Variants in UNC5D observed in about 807,000 individuals in gnomAD.
UNC5D encodes netrin receptor UNC5D.
In UNC5D, 39 loss-of-function variants were observed where a neutral mutation model predicts 105.4. The observed-to-expected ratio is 0.37, with a 90% CI of 0.29 to 0.48. UNC5D has a LOEUF of 0.48. Ranked by LOEUF, UNC5D falls within the 20% of genes least tolerant of loss-of-function variation. The pLI, the probability that UNC5D is intolerant of heterozygous loss-of-function variation, is 0.98. For missense variants in UNC5D, 991 were observed against 1,202.4 expected (o/e 0.82, Z 2.60); for synonymous variants, 452 against 450.4 (o/e 1.00, Z -0.04).
intron 4 of UNC5D, among the ~76,000 whole-genome samples, chr8:35,623,128 G>C (rs1821460329): frequency 6.6e-6 from 1 of 152,048 alleles, no homozygotes; most frequent in South Asian, 2.1e-4. Context: ...AATTATCACT[G>C]CCTCTCTGTC....
intron 1 of UNC5D, among the ~76,000 whole-genome samples, chr8:35,430,763 C>T (rs962812099): frequency 1.3e-5 from 2 of 152,134 alleles, no homozygotes; most frequent in African/African-American, 4.8e-5. Flanking sequence ...AGAGGAAAAA[C>T]ATTTTTGCTA....
chr8:35,692,747 C>T (rs543865053), intron 7 of UNC5D, among the ~76,000 whole-genome samples: 135 of 152,178 alleles, frequency 8.9e-4, no homozygotes, highest in Non-Finnish European at 1.6e-3. Flanking sequence ...AGTTAACATA[C>T]CAGCACAATA....
intron 1 of UNC5D, among the ~76,000 whole-genome samples, chr8:35,273,292 G>T (rs1036259988): frequency 1.3e-5 from 2 of 152,196 alleles, no homozygotes; most frequent in Non-Finnish European, 2.9e-5. Context: ...ATAAGAGTTT[G>T]GTAATGCATG....
At chr8:35,585,074 A>G (rs1259445427) in intron 3 of UNC5D, among the ~76,000 whole-genome samples, 5 of 152,162 alleles carry the variant, frequency 3.3e-5, no homozygotes, top group Admixed American at 3.3e-4. Context: ...ATATGTCCCT[A>G]CTGCAGGCAC....
intron 8 of UNC5D, among the ~76,000 whole-genome samples, chr8:35,707,807 G>C (rs1334367296): frequency 6.6e-6 from 1 of 152,116 alleles, no homozygotes; most frequent in Non-Finnish European, 1.5e-5. Flanking sequence ...AGTCCTTAGG[G>C]ACTTCAGAAT....
intron 1 of UNC5D, among the ~76,000 whole-genome samples, chr8:35,354,250 T>A (rs922201902): frequency 4.6e-5 from 7 of 152,026 alleles, no homozygotes; most frequent in Non-Finnish European, 1.0e-4. Context: ...TATGCCATGT[T>A]TATTCTCTTT....
intron 1 of UNC5D, among the ~76,000 whole-genome samples, chr8:35,456,504 A>T (rs1210976150): frequency 6.6e-6 from 1 of 152,168 alleles, no homozygotes; most frequent in Non-Finnish European, 1.5e-5. Context: ...TTTAGCATTC[A>T]TTTGCAGATT....
chr8:35,674,330 T>C (rs1825044105), intron 4 of UNC5D, among the ~76,000 whole-genome samples: 1 of 152,160 alleles, frequency 6.6e-6, no homozygotes, highest in South Asian at 2.1e-4. Flanking sequence ...GTTTAGTGGA[T>C]AAAAGCAAGA....
At chr8:35,567,880 C>T (rs949984440) in intron 2 of UNC5D, among the ~76,000 whole-genome samples, 5 of 152,106 alleles carry the variant, frequency 3.3e-5, no homozygotes, top group East Asian at 3.9e-4. Flanking sequence ...GCATGGGAGC[C>T]GGAATTGGTT....
chr8:35,587,382 G>A (rs1818860104), intron 3 of UNC5D, among the ~76,000 whole-genome samples: 1 of 152,114 alleles, frequency 6.6e-6, no homozygotes, highest in African/African-American at 2.4e-5. Flanking sequence ...ATCTGTTCAT[G>A]GTTTTGCTTT....
chr8:35,485,975 G>A (rs970191462), intron 1 of UNC5D, among the ~76,000 whole-genome samples: 1 of 152,180 alleles, frequency 6.6e-6, no homozygotes, highest in African/African-American at 2.4e-5. Context: ...CTTTTCTGCA[G>A]CTTGCGGATC....
At chr8:35,295,131 T>A (rs1242789457) in intron 1 of UNC5D, among the ~76,000 whole-genome samples, 1 of 152,224 alleles carries the variant, frequency 6.6e-6, no homozygotes, top group African/African-American at 2.4e-5. Context: ...GTTAAATTTA[T>A]GCAGTTATGA....
chr8:35,291,517 C>T (rs764389251), intron 1 of UNC5D, among the ~76,000 whole-genome samples: 2 of 152,036 alleles, frequency 1.3e-5, no homozygotes, highest in Non-Finnish European at 2.9e-5. Flanking sequence ...GGTGGGAAAA[C>T]GGGCCTGATT....
chr8:35,584,611 T>C (rs958715081), intron 3 of UNC5D, among the ~76,000 whole-genome samples: 4 of 151,648 alleles, frequency 2.6e-5, no homozygotes, highest in Non-Finnish European at 5.9e-5. Context: ...CCTGGTTTTG[T>C]TTGTTTGTTT....
intron 1 of UNC5D, among the ~76,000 whole-genome samples, chr8:35,365,925 A>G (rs1563348207): frequency 6.6e-6 from 1 of 152,244 alleles, no homozygotes; most frequent in East Asian, 1.9e-4. Context: ...CAATGAAAGA[A>G]CTGCTCACAT....
intron 1 of UNC5D, among the ~76,000 whole-genome samples, chr8:35,397,161 C>A (rs1804160140): frequency 6.6e-6 from 1 of 152,182 alleles, no homozygotes; most frequent in African/African-American, 2.4e-5. Context: ...CAGCCTTGGT[C>A]TCCCAAAGTG....
At chr8:35,519,070 T>A (rs1586032190) in intron 1 of UNC5D, among the ~76,000 whole-genome samples, 1 of 152,318 alleles carries the variant, frequency 6.6e-6, no homozygotes, top group East Asian at 1.9e-4. Context: ...TAACTTCTTC[T>A]AATCCCATAC....
At chr8:35,340,240 G>C (rs1243972884) in intron 1 of UNC5D, among the ~76,000 whole-genome samples, 2 of 152,074 alleles carry the variant, frequency 1.3e-5, no homozygotes, top group Non-Finnish European at 2.9e-5. Context: ...CAATAGTCTA[G>C]AAAACTTCTG....
chr8:35,674,920 T>A (rs1176796404), intron 4 of UNC5D, among the ~76,000 whole-genome samples: 2 of 152,216 alleles, frequency 1.3e-5, no homozygotes, highest in Non-Finnish European at 2.9e-5. Context: ...GGAGTGATCA[T>A]GTTGTGAACT....
Sources: gnomAD v4.1 joint callset for allele counts (sites outside exome capture counted in the v4.1 genomes callset) on GRCh38, gnomAD v4.1.1 for gene constraint, MANE v1.5 for transcripts, NCBI Gene and HGNC (gene_info 2026-07-23, HGNC 2026-07-21) for gene names.